The following PEAK1 variants were observed in gnomAD, a reference collection of about 807,000 sequenced individuals.
PEAK1 encodes the protein inactive tyrosine-protein kinase PEAK1.
In PEAK1, 54 loss-of-function variants were observed where a neutral mutation model predicts 124.7. The observed-to-expected ratio is 0.43, with a 90% confidence interval of 0.35 to 0.54. PEAK1 has a LOEUF of 0.54. Ranked by LOEUF, PEAK1 falls within the 20% of genes least tolerant of loss-of-function variation. PEAK1 has a pLI of 0.01. For synonymous variants in PEAK1, 719 were observed against 760.0 expected, an observed-to-expected ratio of 0.95 and a Z score of 0.89; for missense variants, 2,046 against 2,134.5, an observed-to-expected ratio of 0.96 and a Z score of 0.82.
At chr15:77,401,670 A>G in intron 1 of PEAK1, 1 of 985,122 alleles carries the variant, frequency 1.0e-6, no homozygotes, top group Non-Finnish European at 1.2e-6. Flanking sequence ...CATTGCCACG[A>G]AAGAACTCAA....
At chr15:77,143,463 A>T (rs182407895) in intron 8 of PEAK1, among the ~76,000 whole-genome samples, 1 of 152,130 alleles carries the variant, frequency 6.6e-6, no homozygotes, top group South Asian at 2.1e-4. Context: ...ATTCTGTCCT[A>T]AAGATCGTCT....
intron 2 of PEAK1, among the ~76,000 whole-genome samples, chr15:77,303,590 A>G (rs2152993713): frequency 6.6e-6 from 1 of 152,236 alleles, no homozygotes; most frequent in South Asian, 2.1e-4. Flanking sequence ...CCATTTTTAA[A>G]TTGGGTTATT....
intron 2 of PEAK1, among the ~76,000 whole-genome samples, chr15:77,342,320 C>T (rs554860761): frequency 1.3e-5 from 2 of 152,156 alleles, no homozygotes; most frequent in Non-Finnish European, 2.9e-5. Flanking sequence ...TCTTCCCTCT[C>T]CCTTCAGCCC....
intron 5 of PEAK1, among the ~76,000 whole-genome samples, chr15:77,265,453 A>T (rs2061671355): frequency 6.6e-6 from 1 of 152,234 alleles, no homozygotes; most frequent in Admixed American, 6.5e-5. Context: ...AAGGACATGA[A>T]CAGACACTTC....
intron 2 of PEAK1, among the ~76,000 whole-genome samples, chr15:77,297,886 G>A (rs2063569765): frequency 1.4e-5 from 2 of 148,028 alleles, no homozygotes; most frequent in African/African-American, 5.0e-5. Context: ...GTGAAACCCC[G>A]TCTCTACTAA....
chr15:77,279,696 T>A (rs2062556276), intron 5 of PEAK1, among the ~76,000 whole-genome samples: 1 of 152,230 alleles, frequency 6.6e-6, no homozygotes, highest in Admixed American at 6.5e-5. Flanking sequence ...GGGTTTATAG[T>A]GGCTTTCTGA....
intron 1 of PEAK1, among the ~76,000 whole-genome samples, chr15:77,372,816 TAA>T (rs1182736932): frequency 1.3e-5 from 2 of 152,148 alleles, no homozygotes; most frequent in African/African-American, 4.8e-5. Flanking sequence ...GTTCTCATGA[TAA>T]GAGTTCTCAC....
intron 1 of PEAK1, among the ~76,000 whole-genome samples, chr15:77,382,165 G>T (rs747558587): frequency 2.0e-5 from 3 of 152,132 alleles, no homozygotes; most frequent in Non-Finnish European, 4.4e-5. Context: ...TGGGGCAAGA[G>T]TGGTTAATAG....
At chr15:77,270,289 C>T (rs1030064787) in intron 5 of PEAK1, among the ~76,000 whole-genome samples, 2 of 151,970 alleles carry the variant, frequency 1.3e-5, no homozygotes, top group Admixed American at 6.6e-5. Context: ...GGCAATCAGG[C>T]AGGAGAAGGA....
intron 1 of PEAK1, among the ~76,000 whole-genome samples, chr15:77,413,226 G>T (rs763596600): frequency 6.6e-6 from 1 of 152,212 alleles, no homozygotes; most frequent in Non-Finnish European, 1.5e-5. Context: ...TACTGTGGTG[G>T]TTTTAATATA....
intron 7 of PEAK1, among the ~76,000 whole-genome samples, chr15:77,166,919 T>G (rs904912083): frequency 6.6e-6 from 1 of 152,202 alleles, no homozygotes; most frequent in African/African-American, 2.4e-5. Flanking sequence ...CAAACTTTCA[T>G]GTACCTAAGA....
intron 1 of PEAK1, among the ~76,000 whole-genome samples, chr15:77,384,352 T>C (rs1441489006): frequency 2.0e-5 from 3 of 152,344 alleles, no homozygotes; most frequent in East Asian, 3.9e-4. Context: ...TCAGTCAGTA[T>C]GTCAGTTAAA....
intron 2 of PEAK1, chr15:77,353,063 C>T: frequency 1.1e-6 from 1 of 887,698 alleles, no homozygotes; most frequent in Non-Finnish European, 1.3e-6. Context: ...GGCCAATTTC[C>T]ATCCAGCTGC....
intron 1 of PEAK1, among the ~76,000 whole-genome samples, chr15:77,389,049 G>A (rs1218379328): frequency 6.8e-6 from 1 of 147,444 alleles, no homozygotes; most frequent in African/African-American, 2.5e-5. Context: ...TGCAACCTAT[G>A]CTTCCTGGGC....
At chr15:77,132,174 G>A (rs2052920338) in intron 9 of PEAK1, among the ~76,000 whole-genome samples, 1 of 151,874 alleles carries the variant, frequency 6.6e-6, no homozygotes, top group Non-Finnish European at 1.5e-5. Context: ...CTGACCTCCT[G>A]GGCTCAGGTG....
In PEAK1 at chr15:77,330,214, C is replaced by T. The variant is rs974192246; in HGVS notation, c.-603+34949G>A. ...GATTAACTATTGACATGTTGATGTA[C>T]GTATTTCATTATTTCTTTTAACAAG... On this transcript the variant is annotated intron_variant, in intron 2 of 9. Coordinates refer to ENST00000682557, the MANE Select transcript of PEAK1 (RefSeq NM_001385026.1). Among the ~76,000 whole-genome samples, 13 of 152,070 alleles carry T rather than the reference C, an allele frequency of 8.5e-5. No individual in the cohort carries two copies. The South Asian group carries it at 2.5e-3, about 29-fold the overall frequency.
intron 6 of PEAK1, among the ~76,000 whole-genome samples, chr15:77,214,922 C>T (rs990199200): frequency 4.6e-5 from 7 of 152,112 alleles, no homozygotes; most frequent in Admixed American, 6.5e-5. Flanking sequence ...AATTACAATT[C>T]GACAAGAGAA....
intron 2 of PEAK1, among the ~76,000 whole-genome samples, chr15:77,340,792 T>C (rs1402824982): frequency 6.6e-6 from 1 of 152,066 alleles, no homozygotes; most frequent in Non-Finnish European, 1.5e-5. Flanking sequence ...CCAAACAATA[T>C]TGCTCTTTAC....
At chr15:77,241,634 T>A (rs543060723) in intron 6 of PEAK1, among the ~76,000 whole-genome samples, 5 of 152,072 alleles carry the variant, frequency 3.3e-5, no homozygotes, top group African/African-American at 1.2e-4. Context: ...GCAGGATACA[T>A]GGTCAACATA....
Sources: allele counts gnomAD v4.1 joint callset (sites outside exome capture counted in the v4.1 genomes callset), GRCh38; gene constraint gnomAD v4.1.1; transcripts MANE v1.5; gene names NCBI Gene and HGNC (gene_info 2026-07-23, HGNC 2026-07-21).